PDE3A: variants seen among roughly 807,000 people sequenced by gnomAD.
The protein encoded by PDE3A is cGMP-inhibited 3',5'-cyclic phosphodiesterase 3A.
Under a neutral mutation model 98.3 loss-of-function variants are expected in PDE3A, and 43 were observed. The ratio of observed to expected loss-of-function variants is 0.44; its 90% CI spans 0.34 to 0.56. The LOEUF (loss-of-function observed/expected upper bound fraction) is 0.56. Among genes scored for constraint, PDE3A ranks in the 20% least tolerant of loss-of-function variants. The pLI, the probability that PDE3A is intolerant of heterozygous loss-of-function variation, is 0.01. For missense variants in PDE3A, 1,427 were observed against 1,440.7 expected, an observed-to-expected ratio of 0.99 and a Z score of 0.15; for synonymous variants, 663 against 567.9, an observed-to-expected ratio of 1.17 and a Z score of -2.38.
At chr12:20,642,313 A>G (rs1944663174) in intron 10 of PDE3A, among the ~76,000 whole-genome samples, 1 of 152,300 alleles carries the variant, frequency 6.6e-6, no homozygotes, top group South Asian at 2.1e-4. Flanking sequence ...AGATTTAAAC[A>G]GAGAATTAAA....
intron 1 of PDE3A, among the ~76,000 whole-genome samples, chr12:20,499,830 A>G (rs2121077958): frequency 6.6e-6 from 1 of 152,302 alleles, no homozygotes; most frequent in Non-Finnish European, 1.5e-5. Flanking sequence ...AGCATGCAAC[A>G]CATTCTGAGT....
chr12:20,585,828 T>C (rs932890418), intron 2 of PDE3A, among the ~76,000 whole-genome samples: 1 of 152,216 alleles, frequency 6.6e-6, no homozygotes, highest in African/African-American at 2.4e-5. Flanking sequence ...TTTTCCTTTC[T>C]GTGTCTTCAC....
At chr12:20,456,328 C>T (rs2120906919) in intron 1 of PDE3A, among the ~76,000 whole-genome samples, 1 of 152,180 alleles carries the variant, frequency 6.6e-6, no homozygotes, top group South Asian at 2.1e-4. Flanking sequence ...GGTTAGTTTG[C>T]TTGTGTAATA....
chr12:20,589,736 G>T (rs1039852802), intron 2 of PDE3A, among the ~76,000 whole-genome samples: 4 of 151,918 alleles, frequency 2.6e-5, no homozygotes, highest in Non-Finnish European at 5.9e-5. Flanking sequence ...AGGCATGCTG[G>T]CAGGCACCTG....
intron 1 of PDE3A, among the ~76,000 whole-genome samples, chr12:20,519,077 G>A (rs1278965627): frequency 6.6e-6 from 1 of 152,154 alleles, no homozygotes; most frequent in Non-Finnish European, 1.5e-5. Context: ...ATGAGACTAG[G>A]AAGTATATGA....
chr12:20,382,379 T>G, intron 1 of PDE3A, among the ~76,000 whole-genome samples: 1 of 151,932 alleles, frequency 6.6e-6, no homozygotes, highest in East Asian at 1.9e-4. Context: ...GGAAAAACTA[T>G]ACACACGCAC....
intron 15 of PDE3A, among the ~76,000 whole-genome samples, chr12:20,676,531 G>C (rs1308557279): frequency 1.1e-3 from 136 of 123,924 alleles, no homozygotes; most frequent in African/African-American, 4.0e-3. Context: ...ATGGAGTCTC[G>C]CTCTGTCCCC....
chr12:20,442,291 A>C (rs1472391544), intron 1 of PDE3A, among the ~76,000 whole-genome samples: 5 of 152,224 alleles, frequency 3.3e-5, no homozygotes, highest in Non-Finnish European at 5.9e-5. Context: ...AGGCTAAGCT[A>C]TCTTGCAGTA....
At chr12:20,546,368 G>C (rs1394507161) in intron 1 of PDE3A, among the ~76,000 whole-genome samples, 15 of 133,006 alleles carry the variant, frequency 1.1e-4, no homozygotes. Context: ...CCCAGGAAAG[G>C]ACCACCAAAA....
At chr12:20,581,652 G>T (rs1395086251) in intron 2 of PDE3A, among the ~76,000 whole-genome samples, 1 of 133,370 alleles carries the variant, frequency 7.5e-6, no homozygotes, top group Non-Finnish European at 1.5e-5. Context: ...TCGCTCTGTC[G>T]CCCAGGCTGG....
At chr12:20,579,233 A>G (rs1943009404) in intron 2 of PDE3A, among the ~76,000 whole-genome samples, 1 of 152,226 alleles carries the variant, frequency 6.6e-6, no homozygotes, top group Non-Finnish European at 1.5e-5. Flanking sequence ...TAAACACTTT[A>G]ATCCATTCAT....
intron 1 of PDE3A, among the ~76,000 whole-genome samples, chr12:20,430,323 T>C (rs1209553521): frequency 6.6e-6 from 1 of 152,204 alleles, no homozygotes; most frequent in Non-Finnish European, 1.5e-5. Flanking sequence ...TTTTTTATTT[T>C]TCATCCAGAA....
Position 20,369,440 on chromosome 12 carries a change from G to A in PDE3A, c.156G>A (p.Leu52=), listed in dbSNP as rs1943414923. The change falls in exon 1 of 16, where the codon CTG becomes CTA. Residue 52 remains leucine (L), a synonymous_variant. Transcript: ENST00000359062. The part of the protein sequence containing the change: ...GCRGCWGDLV[L]QPLRSSRKLS... ...GTGGCTGCTGGGGAGACCTGGTGCT[G>A]CAGCCGCTCCGGAGCTCTCGGAAAC... 1.9e-6 allele frequency: 3 copies of A among 1,555,482 alleles called. No individual in the cohort carries two copies. Among genetic ancestry groups the A allele is most frequent in the Non-Finnish European group, 2.6e-6 (3 of 1,150,570 alleles).
At chr12:20,628,136 T>C (rs931737178) in intron 5 of PDE3A, among the ~76,000 whole-genome samples, 3 of 152,310 alleles carry the variant, frequency 2.0e-5, no homozygotes, top group African/African-American at 7.2e-5. Flanking sequence ...ATATTAAAAA[T>C]TGAGTTTTTT....
In PDE3A at chr12:20,680,384, A is replaced by G. The variant is rs1160854780; in HGVS notation, c.*113A>G. On this transcript the variant is annotated 3_prime_UTR_variant, in exon 16 of 16. Coordinates refer to ENST00000359062, the MANE Select transcript of PDE3A (RefSeq NM_000921.5). ...AGAAATTTGAGATGGGCAAATGGCTATTGCATTTTGGGATTCTTCGCATTT... is the reference window on the plus strand; with the variant it reads ...AGAAATTTGAGATGGGCAAATGGCTGTTGCATTTTGGGATTCTTCGCATTT... The G allele has an allele frequency of 8.1e-6, 9 of 1,109,000 alleles. No homozygotes were observed. Among genetic ancestry groups the G allele is most frequent in the Non-Finnish European group, 1.2e-5 (9 of 771,806 alleles). 68.7% of individuals were successfully genotyped at this position (1,109,000 alleles called of 1,614,324 possible).
At chr12:20,379,215 A>C (rs888032422) in intron 1 of PDE3A, among the ~76,000 whole-genome samples, 1 of 152,010 alleles carries the variant, frequency 6.6e-6, no homozygotes, top group South Asian at 2.1e-4. Context: ...ATGTGGAATC[A>C]GCATCCTTAG....
At chr12:20,640,242 A>C (rs1158347235) in intron 10 of PDE3A, among the ~76,000 whole-genome samples, 1 of 152,160 alleles carries the variant, frequency 6.6e-6, no homozygotes, top group Admixed American at 6.6e-5. Context: ...GTTAGGATCA[A>C]ATAAGATTAT....
In PDE3A at chr12:20,375,209, C is replaced by T. The variant is rs74065063; in HGVS notation, c.960+4965C>T. On this transcript the variant is annotated intron_variant, in intron 1 of 15. Coordinates refer to ENST00000359062, the MANE Select transcript of PDE3A (RefSeq NM_000921.5). ...GAAGACCCTCAGAAAGTCCAGTCTC[C>T]TATTCTTGCACCTAAAGATGTGTTC... Among the ~76,000 whole-genome samples, 1,080 of 152,080 alleles carry T rather than the reference C, an allele frequency of 7.1e-3. 12 individuals are homozygous for T. The highest frequency in any genetic ancestry group is 0.02 in the African/African-American group (813 of 41,530).
chr12:20,420,132 A>G (rs1457567703), intron 1 of PDE3A, among the ~76,000 whole-genome samples: 2 of 152,154 alleles, frequency 1.3e-5, no homozygotes, highest in Non-Finnish European at 2.9e-5. Flanking sequence ...GATATGGAAA[A>G]ATATTTAGAT....
Sources: allele counts gnomAD v4.1 joint callset (sites outside exome capture counted in the v4.1 genomes callset), GRCh38; gene constraint gnomAD v4.1.1; transcripts MANE v1.5; gene names NCBI Gene and HGNC (gene_info 2026-07-23, HGNC 2026-07-21).